Variants in WAC observed in about 807,000 individuals in gnomAD.
The protein encoded by WAC is WW domain-containing adapter protein with coiled-coil.
WAC carries 11 observed loss-of-function variants against 79.6 expected under a neutral mutation model. That is an observed-to-expected ratio of 0.14 (90% CI 0.09 to 0.23). WAC has a LOEUF of 0.23. Ranked by LOEUF, WAC falls within the 10% of genes least tolerant of loss-of-function variation. The probability of loss-of-function intolerance (pLI) is 1.00; values close to 1 mark genes in which losing one functional copy is unlikely to be tolerated. For missense variants in WAC, 728 were observed against 773.5 expected, an observed-to-expected ratio of 0.94 and a Z score of 0.70; for synonymous variants, 304 against 276.9, an observed-to-expected ratio of 1.10 and a Z score of -0.97.
chr10:28,545,489 A>C (rs1837304089), intron 3 of WAC, among the ~76,000 whole-genome samples: 1 of 152,210 alleles, frequency 6.6e-6, no homozygotes, highest in African/African-American at 2.4e-5. Context: ...TAAAAGAAGA[A>C]AAAGAAAACT....
At chr10:28,582,946 T>C (rs569787396) in intron 3 of WAC, among the ~76,000 whole-genome samples, 9 of 152,256 alleles carry the variant, frequency 5.9e-5, no homozygotes, top group African/African-American at 2.2e-4. Flanking sequence ...GTCAAGACTA[T>C]TAAAAGGCAA....
Position 28,590,747 on chromosome 10 carries a change from G to A in WAC, c.525G>A (p.Lys175=), listed in dbSNP as rs1318205785. 1.9e-6 allele frequency: 3 copies of A among 1,609,636 alleles called. No individual in the cohort carries two copies. The highest frequency in any genetic ancestry group is 2.7e-5 in the African/African-American group (2 of 74,602). The change falls in exon 6 of 14, where the codon AAG becomes AAA. Residue 175 remains lysine (K), a synonymous_variant. Coordinates refer to ENST00000354911, the MANE Select transcript of WAC (RefSeq NM_016628.5). ...AACAGAGACAAAAAGAAGCAAACAAGATGGCAGTCAACAGCTTCCCAAAAG... is the reference window on the plus strand; with the variant it reads ...AACAGAGACAAAAAGAAGCAAACAAAATGGCAGTCAACAGCTTCCCAAAAG... ...EREQRQKEAN[K]MAVNSFPKDR...
intron 7 of WAC, among the ~76,000 whole-genome samples, chr10:28,601,465 A>T (rs1840644899): frequency 6.6e-6 from 1 of 152,170 alleles, no homozygotes; most frequent in Non-Finnish European, 1.5e-5. Flanking sequence ...GTTGGTAGGA[A>T]TGTAAAATGA....
chr10:28,582,378 A>C (rs2132622589), intron 3 of WAC, among the ~76,000 whole-genome samples: 1 of 152,304 alleles, frequency 6.6e-6, no homozygotes, highest in Admixed American at 6.5e-5. Context: ...TATAGTCATC[A>C]TCTGTCTCAG....
chr10:28,565,021 A>T (rs1838522634), intron 3 of WAC, among the ~76,000 whole-genome samples: 1 of 152,178 alleles, frequency 6.6e-6, no homozygotes, highest in Admixed American at 6.5e-5. Context: ...CTTAGTAACT[A>T]CTAATCTGTT....
At chr10:28,606,243 G>C (rs943295469) in intron 7 of WAC, among the ~76,000 whole-genome samples, 1 of 152,230 alleles carries the variant, frequency 6.6e-6, no homozygotes, top group Non-Finnish European at 1.5e-5. Context: ...GTAGAGACGG[G>C]GTTTTGCCGT....
chr10:28,600,333 C>T (rs2132737791), intron 7 of WAC, among the ~76,000 whole-genome samples: 1 of 152,160 alleles, frequency 6.6e-6, no homozygotes, highest in Admixed American at 6.5e-5. Context: ...TTTATGCTAT[C>T]TGTAGACTAA....
intron 3 of WAC, among the ~76,000 whole-genome samples, chr10:28,566,457 G>A (rs544505420): frequency 4.6e-5 from 7 of 152,278 alleles, no homozygotes; most frequent in African/African-American, 1.7e-4. Flanking sequence ...CAGTAAGCAG[G>A]TGAGTTTAGC....
At chr10:28,606,074 A>G (rs1840929813) in intron 7 of WAC, among the ~76,000 whole-genome samples, 1 of 149,858 alleles carries the variant, frequency 6.7e-6, no homozygotes, top group Admixed American at 6.7e-5. Flanking sequence ...TTTTTTAGAC[A>G]GGGCCTCACT....
In WAC at chr10:28,619,844, A is replaced by AGT. The variant is rs1841627858; in HGVS notation, c.*240_*241dup. ...TTCACGTTGTAAATATGTTTTGTAG[A>AGT]GTGAAGCCATGGGAAGCCATGTGTA... On this transcript the variant is annotated 3_prime_UTR_variant, in exon 14 of 14. Transcript: ENST00000354911. 1 of 347,830 alleles carries AGT rather than the reference A, an allele frequency of 2.9e-6. No individual in the cohort carries two copies. Among genetic ancestry groups the AGT allele is most frequent in the African/African-American group, 2.1e-5 (1 of 46,722 alleles). 21.5% of individuals were successfully genotyped at this position (347,830 alleles called of 1,614,324 possible). A position where few individuals can be genotyped will look rare whatever the true frequency, so the allele number is the denominator to read the frequency against.
intron 13 of WAC, among the ~76,000 whole-genome samples, chr10:28,618,803 T>G (rs1403512014): frequency 6.6e-6 from 1 of 152,218 alleles, no homozygotes; most frequent in African/African-American, 2.4e-5. Flanking sequence ...ACATTGAGAA[T>G]TGCTCTTCTA....
chr10:28,560,357 T>C (rs1838232970), intron 3 of WAC, among the ~76,000 whole-genome samples: 1 of 151,986 alleles, frequency 6.6e-6, no homozygotes, highest in African/African-American at 2.4e-5. Flanking sequence ...CGAGATCCTG[T>C]CGGGAGTTAG....
At chr10:28,604,437 A>G (rs1443345638) in intron 7 of WAC, among the ~76,000 whole-genome samples, 1 of 151,846 alleles carries the variant, frequency 6.6e-6, no homozygotes, top group Non-Finnish European at 1.5e-5. Context: ...GGCTACAGAG[A>G]AAAGTACAAC....
rs367773355 is a variant in WAC at position 28,540,091 on chromosome 10, T to C, written c.274+4334T>C. On this transcript the variant is annotated intron_variant, in intron 3 of 13. Transcript: ENST00000354911. The stretch of plus-strand genomic sequence containing the variant: ...GGTCTTACCGTTGTTTAGATGACTT[T>C]GAAATATGCTTTGAGTTAGTAATGT... Among the ~76,000 whole-genome samples, 5 of 152,242 alleles carry C rather than the reference T, an allele frequency of 3.3e-5. No homozygotes were observed. In the East Asian group the frequency reaches 7.7e-4, roughly 23 times the overall value.
intron 3 of WAC, among the ~76,000 whole-genome samples, chr10:28,548,897 G>T (rs1251609316): frequency 2.6e-5 from 4 of 151,566 alleles, no homozygotes; most frequent in East Asian, 3.9e-4. Context: ...TTTTTGGTTT[G>T]GTTTTGTTTT....
At chr10:28,541,025 A>G (rs1046694216) in intron 3 of WAC, among the ~76,000 whole-genome samples, 5 of 152,192 alleles carry the variant, frequency 3.3e-5, no homozygotes, top group African/African-American at 9.7e-5. Context: ...GATGGTTATT[A>G]TGTATTGTTT....
rs779958223 is a variant in WAC, at chr10:28,589,900, A to G, written c.497+49A>G. 9 of 1,334,966 alleles carry G rather than the reference A, an allele frequency of 6.7e-6. No homozygotes were observed. In the African/African-American group the frequency reaches 1.0e-4, roughly 15 times the overall value. 82.7% of individuals were successfully genotyped at this position (1,334,966 alleles called of 1,614,324 possible). ...AACATTATTTCTCTAGCTTGGTTCT[A>G]CTGGTTAACATCTTACAGCATTAAA... On this transcript the variant is annotated intron_variant, in intron 5 of 13. Transcript: ENST00000354911.
At chr10:28,569,341 T>C (rs1181428656) in intron 3 of WAC, among the ~76,000 whole-genome samples, 4 of 152,240 alleles carry the variant, frequency 2.6e-5, no homozygotes, top group Non-Finnish European at 5.9e-5. Flanking sequence ...AACATTCATC[T>C]ATTCCTACAA....
At chr10:28,610,884 C>A in intron 9 of WAC, 63 bp downstream of exon 9, 1 of 1,448,748 alleles carries the variant, frequency 6.9e-7, no homozygotes, top group Non-Finnish European at 9.1e-7. Flanking sequence ...GAATTAATAG[C>A]CCTTTTTTGT....
Sources: gnomAD v4.1 joint callset for allele counts (sites outside exome capture counted in the v4.1 genomes callset) on GRCh38, gnomAD v4.1.1 for gene constraint, MANE v1.5 for transcripts, NCBI Gene and HGNC (gene_info 2026-07-23, HGNC 2026-07-21) for gene names.